PITPNC1: variants seen among roughly 807,000 people sequenced by gnomAD.
PITPNC1 encodes the protein phosphatidylinositol transfer protein cytoplasmic 1, also known as cytoplasmic phosphatidylinositol transfer protein 1.
In PITPNC1, 18 loss-of-function variants were observed where a neutral mutation model predicts 44.7. The observed-to-expected ratio is 0.40, with a 90% confidence interval of 0.28 to 0.60. The LOEUF is 0.60. PITPNC1 is among the 20% of genes least tolerant of loss of function. PITPNC1 has a pLI of 0.39. For synonymous variants in PITPNC1, 141 were observed against 149.6 expected (o/e 0.94, Z 0.42); for missense variants, 290 against 418.4 (o/e 0.69, Z 2.68).
Position 67,578,150 on chromosome 17 carries a change from A to G in PITPNC1, c.295-36A>G, listed in dbSNP as rs377450186. On this transcript the variant is annotated intron_variant, in intron 4 of 8. Transcript: ENST00000581322. Reference sequence around the variant, plus strand: ...TGCTGAATATAGGAAGAGAGAAAAAATGTTATGCTAATGAAAATTTGCTTT... The same window carrying G: ...TGCTGAATATAGGAAGAGAGAAAAAGTGTTATGCTAATGAAAATTTGCTTT... The G allele has an allele frequency of 1.9e-4, 267 of 1,407,536 alleles. No homozygotes were observed. The African/African-American group carries it at 3.3e-3, about 17-fold the overall frequency. The allele number at this position is 1,407,536 out of a possible 1,614,324, so 87.2% of individuals were successfully genotyped here.
intron 1 of PITPNC1, among the ~76,000 whole-genome samples, chr17:67,502,530 A>T (rs947477991): frequency 6.6e-6 from 1 of 152,170 alleles, no homozygotes; most frequent in South Asian, 2.1e-4. Context: ...GCCACTTGGA[A>T]CACTGGATGG....
Position 67,652,973 on chromosome 17 carries a change from G to A in PITPNC1, c.463-16535G>A, listed in dbSNP as rs117772902. Among the ~76,000 whole-genome samples the A allele has an allele frequency of 3.1e-3, 468 of 152,284 alleles. 7 individuals are homozygous for A. Among genetic ancestry groups the A allele is most frequent in the Non-Finnish European group, 4.9e-3 (333 of 68,018 alleles). On this transcript the variant is annotated intron_variant, in intron 6 of 8. Transcript: ENST00000581322. ...GGGGGACCCTAATCCAGTATGATGG[G>A]TGTCCTTATAAAAAGGAGAAATTTG...
chr17:67,687,868 G>A (rs545625068), intron 8 of PITPNC1, among the ~76,000 whole-genome samples: 17 of 152,086 alleles, frequency 1.1e-4, no homozygotes, highest in African/African-American at 3.9e-4. Flanking sequence ...TTTAAGTATC[G>A]TAATCTCTCA....
intron 1 of PITPNC1, among the ~76,000 whole-genome samples, chr17:67,425,186 T>TGTGCGCGCGC (rs1447478316): frequency 2.7e-4 from 15 of 55,722 alleles, no homozygotes; most frequent in East Asian, 5.2e-4. Context: ...AGCCATGTTG[T>TGTGCGCGCGC]GCGCGCGCAC....
chr17:67,644,770 G>T (rs1193107793), intron 6 of PITPNC1, among the ~76,000 whole-genome samples: 1 of 152,100 alleles, frequency 6.6e-6, no homozygotes, highest in Admixed American at 6.6e-5. Flanking sequence ...CACACAAGTT[G>T]CTCATAACTG....
chr17:67,393,407 GTT>G (rs371157971), intron 1 of PITPNC1, among the ~76,000 whole-genome samples: 1 of 146,174 alleles, frequency 6.8e-6, no homozygotes, highest in Admixed American at 6.9e-5. Flanking sequence ...ATCTGATCAG[GTT>G]TTTTTTTTTA....
At chr17:67,475,205 C>T (rs1232250285) in intron 1 of PITPNC1, among the ~76,000 whole-genome samples, 2 of 152,136 alleles carry the variant, frequency 1.3e-5, no homozygotes, top group African/African-American at 2.4e-5. Context: ...TAGCCTTCCT[C>T]GCGGTGGAGG....
chr17:67,656,814 A>G (rs931356084), intron 6 of PITPNC1, among the ~76,000 whole-genome samples: 6 of 152,190 alleles, frequency 3.9e-5, no homozygotes, highest in Non-Finnish European at 2.9e-5. Context: ...TTAAAATGTA[A>G]AATAATTCTG....
Position 67,559,012 on chromosome 17 carries a change from A to T in PITPNC1, c.294+5395A>T, listed in dbSNP as rs11654083. ...GGAGTGGCCATGGGGAGAATGAGGT[A>T]TGTTTCTGAAAGCCACTAAACTATC... On this transcript the variant is annotated intron_variant, in intron 4 of 8. Transcript: ENST00000581322. Among the ~76,000 whole-genome samples the T allele has an allele frequency of 3.9e-5, 6 of 151,946 alleles. No homozygotes were observed. In the South Asian group the frequency reaches 1.2e-3, roughly 32 times the overall value.
Position 67,605,754 on chromosome 17 carries a change from C to T in PITPNC1, c.367-26389C>T, listed in dbSNP as rs183947964. 4.6e-3 allele frequency among the ~76,000 whole-genome samples: 697 copies of T among 152,244 alleles called. 4 individuals carry two copies. Among genetic ancestry groups the T allele is most frequent in the Non-Finnish European group, 6.7e-3 (454 of 68,022 alleles). The stretch of plus-strand genomic sequence containing the variant: ...GTGCCAGACAGAAACCAGCCACCTG[C>T]GCCGTTATCAGGACATCAAGTGAAG... On this transcript the variant is annotated intron_variant, in intron 5 of 8. Transcript: ENST00000581322.
rs776405197 is a variant in PITPNC1 at position 67,425,250 on chromosome 17, CACACACACACACAG to C, written c.48+47050_48+47063del. On this transcript the variant is annotated intron_variant, in intron 1 of 8. Transcript: ENST00000581322. ...ACACACACACACACACACACACACA[CACACACACACACAG>C]AGGGAGAGAGAGAGAGAAATGACCT... Among the ~76,000 whole-genome samples, 244 of 117,848 alleles carry C rather than the reference CACACACACACACAG, an allele frequency of 2.1e-3. 1 individual carries two copies. The highest frequency in any genetic ancestry group is 9.4e-3 in the Middle Eastern group (2 of 212). 77.3% of individuals were successfully genotyped at this position (117,848 alleles called of 152,430 possible). A position where few individuals can be genotyped will look rare whatever the true frequency, so the allele number is the denominator to read the frequency against.
At chr17:67,407,906 T>A (rs1199955340) in intron 1 of PITPNC1, among the ~76,000 whole-genome samples, 1 of 152,260 alleles carries the variant, frequency 6.6e-6, no homozygotes, top group Admixed American at 6.5e-5. Flanking sequence ...CAGACATGAG[T>A]GTGAAAACCC....
At chr17:67,546,640 T>C (rs1428382593) in intron 2 of PITPNC1, among the ~76,000 whole-genome samples, 1 of 152,212 alleles carries the variant, frequency 6.6e-6, no homozygotes, top group Admixed American at 6.5e-5. Context: ...CTGTCCAAGC[T>C]GAGCCTTCCA....
chr17:67,428,449 A>T (rs911228274), intron 1 of PITPNC1, among the ~76,000 whole-genome samples: 3 of 151,814 alleles, frequency 2.0e-5, no homozygotes, highest in Non-Finnish European at 2.9e-5. Flanking sequence ...CTAAGGTGGG[A>T]GGATTCCTTG....
chr17:67,664,989 G>A (rs2042401959), intron 6 of PITPNC1, among the ~76,000 whole-genome samples: 1 of 151,884 alleles, frequency 6.6e-6, no homozygotes, highest in South Asian at 2.1e-4. Context: ...CATATATTGT[G>A]TATCCATCAA....
chr17:67,508,312 T>G lies in PITPNC1; in HGVS notation c.49-24490T>G, dbSNP rs1472670296. 2.0e-5 allele frequency among the ~76,000 whole-genome samples: 3 copies of G among 152,214 alleles called. No homozygotes were observed. Among genetic ancestry groups the G allele is most frequent in the African/African-American group, 4.8e-5 (2 of 41,462 alleles). ...ACAGAGCAGCCTGGAGGGCTGCTGGTTGCCCAGTTTTACGGTTATTTCTTA... is the reference window on the plus strand; with the variant it reads ...ACAGAGCAGCCTGGAGGGCTGCTGGGTGCCCAGTTTTACGGTTATTTCTTA... On this transcript the variant is annotated intron_variant, in intron 1 of 8. Coordinates refer to ENST00000581322, the MANE Select transcript of PITPNC1 (RefSeq NM_012417.4). The surrounding 1 kb of genome is among the most constrained non-coding windows in gnomAD (Gnocchi z 4.2).
chr17:67,514,305 T>A (rs2040229895), intron 1 of PITPNC1, among the ~76,000 whole-genome samples: 1 of 151,986 alleles, frequency 6.6e-6, no homozygotes. Context: ...GTTCAAGCAG[T>A]TCTTCCAGCC....
intron 4 of PITPNC1, among the ~76,000 whole-genome samples, chr17:67,556,176 T>C (rs953191941): frequency 6.6e-6 from 1 of 152,082 alleles, no homozygotes; most frequent in African/African-American, 2.4e-5. Context: ...GATAAAGCAG[T>C]TGCAATGTGA....
At chr17:67,673,402 G>GACACAC (rs142605380) in intron 7 of PITPNC1, among the ~76,000 whole-genome samples, 2 of 150,852 alleles carry the variant, frequency 1.3e-5, no homozygotes, top group Non-Finnish European at 3.0e-5. Flanking sequence ...CACACACGCA[G>GACACAC]ACACACACAC....
Sources: gnomAD v4.1 joint callset for allele counts (sites outside exome capture counted in the v4.1 genomes callset) on GRCh38, gnomAD v4.1.1 for gene constraint, Gnocchi (gnomAD v3.1) non-coding constraint, MANE v1.5 for transcripts, NCBI Gene and HGNC (gene_info 2026-07-23, HGNC 2026-07-21) for gene names.